Variants in AKAP6 observed in about 807,000 individuals in gnomAD.
AKAP6 encodes A-kinase anchoring protein 6.
In AKAP6, 58 loss-of-function variants were observed where a neutral mutation model predicts 188.5. The observed-to-expected ratio is 0.31, with a 90% CI of 0.25 to 0.38. AKAP6 has a LOEUF of 0.38. AKAP6 is among the 10% of genes least tolerant of loss of function. AKAP6 has a pLI of 1.00. For synonymous variants in AKAP6, 989 were observed against 998.6 expected (o/e 0.99, Z 0.18); for missense variants, 2,710 against 2,740.0 (o/e 0.99, Z 0.24).
At chr14:32,738,190 G>A (rs182079861) in intron 11 of AKAP6, among the ~76,000 whole-genome samples, 16 of 152,220 alleles carry the variant, frequency 1.1e-4, no homozygotes, top group Admixed American at 9.2e-4. Flanking sequence ...CTGTGTGTGT[G>A]CAGCTTCAAT....
rs2034604613 is a variant in AKAP6 at position 32,823,962 on chromosome 14, A to C, written c.6149A>C (p.Asp2050Ala). Reference sequence around the variant, plus strand: ...GAGCCAGATGTTTTCCATCAAAAAGATGCCGAAGATTGTTCAGTACACAAC... The same window carrying C: ...GAGCCAGATGTTTTCCATCAAAAAGCTGCCGAAGATTGTTCAGTACACAAC... Reference protein sequence around the residue: ...NCEPDVFHQKDAEDCSVHNFV... With the variant: ...NCEPDVFHQKAAEDCSVHNFV... Residue 2050 changes from aspartate to alanine, a missense_variant, in exon 13 of 14, where the codon GAT becomes GCT. By Grantham distance (126) the Asp-to-Ala change is moderately radical. Transcript: ENST00000280979. 6.2e-7 allele frequency: 1 copy of C among 1,613,868 alleles called. No individual in the cohort carries two copies. Among genetic ancestry groups the C allele is most frequent in the Non-Finnish European group, 8.5e-7 (1 of 1,179,942 alleles).
intron 1 of AKAP6, among the ~76,000 whole-genome samples, chr14:32,344,111 C>T (rs532876680): frequency 6.6e-5 from 10 of 152,340 alleles, no homozygotes; most frequent in African/African-American, 2.4e-4. Flanking sequence ...CCTACTCTCC[C>T]TGTGTTCCCA....
chr14:32,416,944 G>C (rs1245426641), intron 1 of AKAP6, among the ~76,000 whole-genome samples: 1 of 152,174 alleles, frequency 6.6e-6, no homozygotes, highest in African/African-American at 2.4e-5. Context: ...GGGTTCAACC[G>C]ACTCTCATGC....
intron 9 of AKAP6, among the ~76,000 whole-genome samples, chr14:32,710,234 GCTA>G (rs1890986321): frequency 6.6e-6 from 1 of 151,200 alleles, no homozygotes; most frequent in Non-Finnish European, 1.5e-5. Flanking sequence ...TAGGGACAGA[GCTA>G]CTTCTTCTCC....
At chr14:32,813,884 T>G (rs2034312047) in intron 12 of AKAP6, among the ~76,000 whole-genome samples, 1 of 151,804 alleles carries the variant, frequency 6.6e-6, no homozygotes, top group South Asian at 2.1e-4. Flanking sequence ...ATTTTTTTTT[T>G]TTTTTTGCAG....
chr14:32,634,019 T>C (rs2139463167), intron 7 of AKAP6, among the ~76,000 whole-genome samples: 1 of 152,172 alleles, frequency 6.6e-6, no homozygotes, highest in Non-Finnish European at 1.5e-5. Flanking sequence ...CTGTTTTTAC[T>C]CCACACAGCC....
intron 7 of AKAP6, among the ~76,000 whole-genome samples, chr14:32,657,707 G>A (rs1745167790): frequency 6.6e-6 from 1 of 150,388 alleles, no homozygotes; most frequent in Non-Finnish European, 1.5e-5. Context: ...GTTTTTAAAA[G>A]CTCACCATTT....
intron 7 of AKAP6, among the ~76,000 whole-genome samples, chr14:32,647,273 A>G (rs1214028199): frequency 2.6e-5 from 4 of 152,084 alleles, no homozygotes; most frequent in African/African-American, 9.7e-5. Context: ...CTCTGATGCA[A>G]TTGTAATTTC....
At chr14:32,486,243 G>GCAGTATAGTTTGAAGTCAGC (rs1249967743) in intron 2 of AKAP6, among the ~76,000 whole-genome samples, 1 of 152,284 alleles carries the variant, frequency 6.6e-6, no homozygotes, top group South Asian at 2.1e-4. Flanking sequence ...TTGAAGTCAG[G>GCAGTATAGTTTGAAGTCAGC]TAGTATGATG....
At chr14:32,539,360 C>A (rs1882819600) in intron 3 of AKAP6, among the ~76,000 whole-genome samples, 1 of 152,108 alleles carries the variant, frequency 6.6e-6, no homozygotes, top group African/African-American at 2.4e-5. Flanking sequence ...AGAGTGCTCA[C>A]AACATAGCAC....
Position 32,469,654 on chromosome 14 carries a change from C to T in AKAP6, c.324+35837C>T, listed in dbSNP as rs139093253. ...TTTATAGCTTTCCCATTTTTCTTTG[C>T]CTCGCTAGTTAAAAGAATGTCTTTT... is the stretch of plus-strand genomic sequence containing the variant. On this transcript the variant is annotated intron_variant, in intron 2 of 13. Transcript: ENST00000280979. Among the ~76,000 whole-genome samples the T allele has an allele frequency of 1.7e-4, 25 of 150,944 alleles. No homozygotes were observed. The East Asian group carries it at 4.6e-3, about 28-fold the overall frequency.
chr14:32,756,177 C>T (rs376534568), intron 11 of AKAP6, among the ~76,000 whole-genome samples: 3 of 152,038 alleles, frequency 2.0e-5, no homozygotes, highest in East Asian at 3.9e-4. Flanking sequence ...GAGCCTGGAG[C>T]TAGAATCTAC....
intron 5 of AKAP6, among the ~76,000 whole-genome samples, chr14:32,587,282 C>G (rs1885294387): frequency 6.6e-6 from 1 of 151,922 alleles, no homozygotes; most frequent in Non-Finnish European, 1.5e-5. Context: ...TTAGTCTCTT[C>G]TCTGTGAATA....
At chr14:32,725,701 A>G (rs368690707) in intron 9 of AKAP6, among the ~76,000 whole-genome samples, 2 of 152,312 alleles carry the variant, frequency 1.3e-5, no homozygotes, top group African/African-American at 4.8e-5. Flanking sequence ...CAGGAAGTGT[A>G]GTGTTGGAAA....
intron 9 of AKAP6, among the ~76,000 whole-genome samples, chr14:32,726,723 G>A (rs1399568758): frequency 6.6e-6 from 1 of 152,174 alleles, no homozygotes; most frequent in Non-Finnish European, 1.5e-5. Context: ...CATTGACCTT[G>A]ACACCCACTT....
At chr14:32,462,915 A>AAAAAAAAAAAAC (rs1891387866) in intron 2 of AKAP6, among the ~76,000 whole-genome samples, 2 of 135,434 alleles carry the variant, frequency 1.5e-5, no homozygotes, top group Admixed American at 7.4e-5. Context: ...AAAAAAAAAA[A>AAAAAAAAAAAAC]AAAAAAAAAA....
chr14:32,411,932 T>C (rs780062913), intron 1 of AKAP6, among the ~76,000 whole-genome samples: 2 of 148,112 alleles, frequency 1.4e-5, no homozygotes, highest in Non-Finnish European at 3.0e-5. Flanking sequence ...TCCGTAATGA[T>C]AGCTGCTTCA....
At chr14:32,421,874 A>T (rs1425626732) in intron 1 of AKAP6, among the ~76,000 whole-genome samples, 2 of 152,204 alleles carry the variant, frequency 1.3e-5, no homozygotes, top group Non-Finnish European at 2.9e-5. Flanking sequence ...AATTGCTCCC[A>T]GTGTATGAGG....
chr14:32,525,175 G>A lies in AKAP6; in HGVS notation c.325-10379G>A, dbSNP rs191552157. Among the ~76,000 whole-genome samples, 132 of 152,288 alleles carry A rather than the reference G, an allele frequency of 8.7e-4. 2 individuals are homozygous for A. The highest frequency in any genetic ancestry group is 7.8e-3 in the Admixed American group (120 of 15,304). ...CATGTAGAATACTGAATGCAAGAAT[G>A]ACTAAGCAGTAGCTTGCTTAGAAAA... On this transcript the variant is annotated intron_variant, in intron 2 of 13. Transcript: ENST00000280979.
Sources: gnomAD v4.1 joint callset for allele counts (sites outside exome capture counted in the v4.1 genomes callset) on GRCh38, gnomAD v4.1.1 for gene constraint, MANE v1.5 for transcripts, NCBI Gene and HGNC (gene_info 2026-07-23, HGNC 2026-07-21) for gene names.